Variants in ATP8A2 observed in about 807,000 individuals in gnomAD.
ATP8A2 encodes phospholipid-transporting ATPase IB.
ATP8A2 carries 100 observed loss-of-function variants against 165.6 expected under a neutral mutation model. The observed-to-expected ratio is 0.60, with a 90% CI of 0.51 to 0.71. ATP8A2 has a LOEUF of 0.71. Ranked by LOEUF, ATP8A2 falls within the 30% of genes least tolerant of loss-of-function variation. ATP8A2 has a pLI of 0.00. For missense variants in ATP8A2, 1,227 were observed against 1,479.5 expected, an observed-to-expected ratio of 0.83 and a Z score of 2.80; for synonymous variants, 543 against 548.8, an observed-to-expected ratio of 0.99 and a Z score of 0.15.
At chr13:25,773,212 G>A (rs943196604) in intron 26 of ATP8A2, among the ~76,000 whole-genome samples, 1 of 152,172 alleles carries the variant, frequency 6.6e-6, no homozygotes, top group Admixed American at 6.5e-5. Context: ...CTGACACTCT[G>A]ACTTAGAACA....
intron 33 of ATP8A2, among the ~76,000 whole-genome samples, chr13:25,918,469 C>T (rs1447062961): frequency 1.3e-5 from 2 of 152,080 alleles, no homozygotes; most frequent in Admixed American, 6.6e-5. Flanking sequence ...AAAAAGCCAA[C>T]GTGGTATATT....
intron 1 of ATP8A2, among the ~76,000 whole-genome samples, chr13:25,438,162 A>G (rs1268535278): frequency 6.6e-6 from 1 of 152,128 alleles, no homozygotes; most frequent in African/African-American, 2.4e-5. Context: ...AGAAATGAGG[A>G]AGGGTCTGGG....
chr13:25,372,653 G>A lies in ATP8A2; in HGVS notation c.76+365G>A, dbSNP rs116459165. On this transcript the variant is annotated intron_variant, in intron 1 of 36. Coordinates refer to ENST00000381655, the MANE Select transcript of ATP8A2 (RefSeq NM_016529.6). This position sits in a 1 kb window ranked among gnomAD's most constrained non-coding sequence, Gnocchi z 4.8. ...TAGGCGGCAGTCACCGCGATGGTGG[G>A]CACGGTTTGGCGGCGCAGAGAAGAT... 2.6e-3 allele frequency among the ~76,000 whole-genome samples: 402 copies of A among 152,336 alleles called. No individual in the cohort carries two copies. The highest frequency in any genetic ancestry group is 9.4e-3 in the African/African-American group (389 of 41,576).
In ATP8A2 at chr13:25,673,195, G is replaced by A. The variant is rs548088396; in HGVS notation, c.2212-25978G>A. The stretch of plus-strand genomic sequence containing the variant: ...TGAGGGACAGAATGCTTTCTCCTCC[G>A]CCTCTCACTGTTCCTGTGATTTTCA... On this transcript the variant is annotated intron_variant, in intron 24 of 36. Coordinates refer to ENST00000381655, the MANE Select transcript of ATP8A2 (RefSeq NM_016529.6). Among the ~76,000 whole-genome samples the A allele has an allele frequency of 6.7e-4, 102 of 152,266 alleles. 1 individual carries two copies. Among genetic ancestry groups the A allele is most frequent in the Admixed American group, 1.8e-3 (27 of 15,294 alleles).
chr13:25,435,218 T>G (rs1298546733), intron 1 of ATP8A2, among the ~76,000 whole-genome samples: 1 of 151,890 alleles, frequency 6.6e-6, no homozygotes, highest in Non-Finnish European at 1.5e-5. Context: ...CCTCCCGGTT[T>G]CAAGCGATTC....
chr13:25,938,967 C>A (rs1251316433), intron 33 of ATP8A2, among the ~76,000 whole-genome samples: 2 of 152,084 alleles, frequency 1.3e-5, no homozygotes, highest in African/African-American at 4.8e-5. Context: ...CTCAGCCTCC[C>A]TAGTAGCTGG....
chr13:25,886,872 G>T (rs1423866288), intron 33 of ATP8A2, among the ~76,000 whole-genome samples: 2 of 152,182 alleles, frequency 1.3e-5, no homozygotes, highest in Non-Finnish European at 2.9e-5. Context: ...ACATGGTATT[G>T]CTGGTTGCTC....
chr13:25,485,227 T>A (rs2036314634), intron 2 of ATP8A2, among the ~76,000 whole-genome samples: 1 of 152,242 alleles, frequency 6.6e-6, no homozygotes, highest in African/African-American at 2.4e-5. Context: ...CAACAAAGTT[T>A]TGTTCACTGT....
chr13:25,685,100 GC>G (rs559517238), intron 24 of ATP8A2, among the ~76,000 whole-genome samples: 158 of 152,080 alleles, frequency 1.0e-3, no homozygotes, highest in Non-Finnish European at 1.9e-3. Flanking sequence ...CTATCCTGTC[GC>G]CCTCTGGCCT....
At chr13:25,908,171 G>A (rs1566259063) in intron 33 of ATP8A2, among the ~76,000 whole-genome samples, 2 of 152,172 alleles carry the variant, frequency 1.3e-5, no homozygotes, top group Non-Finnish European at 2.9e-5. Context: ...AACGCCCCAT[G>A]GTTTTCTACC....
intron 30 of ATP8A2, among the ~76,000 whole-genome samples, chr13:25,845,370 T>C (rs1182356868): frequency 5.9e-5 from 9 of 152,118 alleles, no homozygotes; most frequent in Non-Finnish European, 1.3e-4. Context: ...AAAAAGGAAG[T>C]ATTCAGATTT....
At chr13:25,485,283 T>C (rs988323268) in intron 2 of ATP8A2, among the ~76,000 whole-genome samples, 1 of 152,212 alleles carries the variant, frequency 6.6e-6, no homozygotes, top group Admixed American at 6.5e-5. Flanking sequence ...TACAGGATAG[T>C]GCGTGTGTGT....
intron 27 of ATP8A2, among the ~76,000 whole-genome samples, chr13:25,782,314 G>A (rs2044901094): frequency 1.3e-5 from 2 of 152,222 alleles, no homozygotes; most frequent in South Asian, 4.1e-4. Flanking sequence ...TAAGTAAAAG[G>A]CAAATTTAAA....
intron 27 of ATP8A2, among the ~76,000 whole-genome samples, chr13:25,789,944 A>G (rs541627670): frequency 5.0e-4 from 76 of 152,314 alleles, no homozygotes; most frequent in African/African-American, 1.8e-3. Flanking sequence ...CAACCATCTG[A>G]TCTTCCACAA....
In ATP8A2 at chr13:25,680,806, G is replaced by A. The variant is rs146933711; in HGVS notation, c.2212-18367G>A. 7.2e-5 allele frequency among the ~76,000 whole-genome samples: 11 copies of A among 152,242 alleles called. No homozygotes were observed. In the East Asian group the frequency reaches 1.4e-3, roughly 19 times the overall value. On this transcript the variant is annotated intron_variant, in intron 24 of 36. Transcript: ENST00000381655. ...CAACCATGTTTGTATTTATCTCAGC[G>A]GCCCAGGCTTGTCAGTTCCTGGCAT...
chr13:25,453,116 T>C (rs1425235783), intron 1 of ATP8A2, among the ~76,000 whole-genome samples: 1 of 151,862 alleles, frequency 6.6e-6, no homozygotes, highest in Non-Finnish European at 1.5e-5. Flanking sequence ...AATAGTGTTA[T>C]ATGAACGTTT....
At chr13:25,598,541 T>C (rs546149825) in intron 24 of ATP8A2, among the ~76,000 whole-genome samples, 1 of 152,314 alleles carries the variant, frequency 6.6e-6, no homozygotes, top group East Asian at 1.9e-4. Context: ...TATTTTGTAG[T>C]TTTCAGTGTA....
intron 27 of ATP8A2, among the ~76,000 whole-genome samples, chr13:25,827,273 C>T (rs1010615936): frequency 4.0e-5 from 6 of 151,894 alleles, no homozygotes; most frequent in East Asian, 3.9e-4. Flanking sequence ...CACCACACCC[C>T]GCTAATTTTT....
chr13:25,435,207 A>AC lies in ATP8A2; in HGVS notation c.77-33768dup, dbSNP rs1435125990. On this transcript the variant is annotated intron_variant, in intron 1 of 36. Transcript: ENST00000381655. ...GCGATCTCGGCTCACTGCAACCTCC[A>AC]CCTCCCGGTTTCAAGCGATTCTCCT... Among the ~76,000 whole-genome samples the AC allele has an allele frequency of 2.0e-5, 3 of 147,636 alleles. No homozygotes were observed. The East Asian group carries it at 6.0e-4, about 29-fold the overall frequency.
Sources: allele counts gnomAD v4.1 joint callset (sites outside exome capture counted in the v4.1 genomes callset), GRCh38; gene constraint gnomAD v4.1.1; non-coding constraint Gnocchi (gnomAD v3.1); transcripts MANE v1.5; gene names NCBI Gene and HGNC (gene_info 2026-07-23, HGNC 2026-07-21).